The following RALGAPA2 variants were observed in gnomAD, a reference collection of about 807,000 sequenced individuals.
RALGAPA2 encodes Ral GTPase activating protein catalytic subunit alpha 2, also known as ral GTPase-activating protein subunit alpha-2.
In RALGAPA2, 139 loss-of-function variants were observed where a neutral mutation model predicts 230.4. The observed-to-expected ratio is 0.60, with a 90% CI of 0.53 to 0.69. The LOEUF (loss-of-function observed/expected upper bound fraction) is 0.69, where lower values mean the gene tolerates loss of function less well. Among genes scored for constraint, RALGAPA2 ranks in the 30% least tolerant of loss-of-function variants. The probability of loss-of-function intolerance (pLI) is 0.00; values close to 1 mark genes in which losing one functional copy is unlikely to be tolerated. For synonymous variants in RALGAPA2, 847 were observed against 837.8 expected (o/e 1.01, Z -0.19); for missense variants, 2,163 against 2,276.0 (o/e 0.95, Z 1.01).
At chr20:20,602,475 T>A (rs977559775) in intron 15 of RALGAPA2, among the ~76,000 whole-genome samples, 5 of 152,184 alleles carry the variant, frequency 3.3e-5, no homozygotes, top group African/African-American at 7.2e-5. Flanking sequence ...CCAAAAGAAA[T>A]AGAGGAGGAA....
At chr20:20,417,193 G>T (rs1206549798) in intron 37 of RALGAPA2, among the ~76,000 whole-genome samples, 5 of 152,168 alleles carry the variant, frequency 3.3e-5, no homozygotes, top group African/African-American at 4.8e-5. Context: ...TGTGTAAAAG[G>T]TTGAAAACCT....
intron 23 of RALGAPA2, among the ~76,000 whole-genome samples, chr20:20,550,943 T>C (rs1038243721): frequency 6.6e-6 from 1 of 152,228 alleles, no homozygotes; most frequent in Non-Finnish European, 1.5e-5. Flanking sequence ...TTTGCTGATC[T>C]ACAGAAAGAA....
intron 37 of RALGAPA2, among the ~76,000 whole-genome samples, chr20:20,469,214 T>C (rs538452942): frequency 6.6e-6 from 1 of 152,260 alleles, no homozygotes; most frequent in South Asian, 2.1e-4. Context: ...ATGGTACCAT[T>C]TGACTTATTT....
At chr20:20,470,271 C>T (rs116607899) in intron 37 of RALGAPA2, among the ~76,000 whole-genome samples, 240 of 152,244 alleles carry the variant, frequency 1.6e-3, no homozygotes, top group African/African-American at 5.4e-3. Context: ...TTAAACATAG[C>T]GAACAAAATT....
chr20:20,424,785 A>G (rs1011260309), intron 37 of RALGAPA2, among the ~76,000 whole-genome samples: 3 of 152,184 alleles, frequency 2.0e-5, no homozygotes, highest in Non-Finnish European at 4.4e-5. Context: ...CATGTACCCT[A>G]AAACTTAAAG....
chr20:20,680,753 G>A lies in RALGAPA2; in HGVS notation c.155C>T (p.Ser52Phe). 2 of 1,586,798 alleles carry A rather than the reference G, an allele frequency of 1.3e-6. No homozygotes were observed. Among genetic ancestry groups the A allele is most frequent in the Non-Finnish European group, 1.7e-6 (2 of 1,170,610 alleles). ...TTCATAGAAGATGAAATATATCTGA[G>A]AATAGTTGGTCTCAAAAAACTGCTT... ...DLKQFFETNY[S>F]QIYFIFYENF... is the part of the protein sequence containing the mutation. The change falls in exon 2 of 40, where the codon TCT becomes TTT. Residue 52 changes from serine (S) to phenylalanine (F), a missense_variant. Ser to Phe is a radical substitution (Grantham distance 155). Coordinates refer to ENST00000202677, the MANE Select transcript of RALGAPA2 (RefSeq NM_020343.4).
chr20:20,523,381 CTTAAT>C (rs1406894257), intron 30 of RALGAPA2, among the ~76,000 whole-genome samples: 2 of 152,292 alleles, frequency 1.3e-5, no homozygotes, highest in East Asian at 3.9e-4. Flanking sequence ...GACATAGTTC[CTTAAT>C]TTATTTCTTA....
chr20:20,701,176 C>T (rs1186705236), intron 1 of RALGAPA2, among the ~76,000 whole-genome samples: 1 of 152,190 alleles, frequency 6.6e-6, no homozygotes, highest in Non-Finnish European at 1.5e-5. Context: ...GATGTGTAAC[C>T]TTGAACAAGG....
intron 36 of RALGAPA2, among the ~76,000 whole-genome samples, chr20:20,480,092 T>C (rs967955114): frequency 6.6e-6 from 1 of 152,352 alleles, no homozygotes; most frequent in Admixed American, 6.5e-5. Flanking sequence ...TTTAAATAAA[T>C]GAAATGATAG....
At chr20:20,421,924 A>T (rs6046847) in intron 37 of RALGAPA2, among the ~76,000 whole-genome samples, 95,548 of 152,080 alleles carry the variant, frequency 0.63, 30,160 homozygotes, top group African/African-American at 0.71. Context: ...ATGTAATATA[A>T]CATATAATAA....
chr20:20,512,019 T>C (rs747847883), intron 32 of RALGAPA2, among the ~76,000 whole-genome samples: 5 of 151,612 alleles, frequency 3.3e-5, no homozygotes, highest in Non-Finnish European at 7.4e-5. Flanking sequence ...TGAAACCCCG[T>C]CTCTACTAAA....
rs761036676 is a variant in RALGAPA2, at chr20:20,640,885, C to A, written c.373-7G>T. ...TGATTCCTTCACATCTTATCTAAAA[C>A]AAAATTAAAAACAATGAAAATGAAA... On this transcript the variant is annotated splice_polypyrimidine_tract_variant and splice_region_variant and intron_variant, in intron 5 of 39. Coordinates refer to ENST00000202677, the MANE Select transcript of RALGAPA2 (RefSeq NM_020343.4). The A allele has an allele frequency of 5.6e-6, 9 of 1,597,318 alleles. No individual in the cohort carries two copies. In the South Asian group the frequency reaches 6.7e-5, roughly 12 times the overall value.
At chr20:20,562,312 G>A (rs1229098012) in intron 23 of RALGAPA2, among the ~76,000 whole-genome samples, 2 of 152,080 alleles carry the variant, frequency 1.3e-5, no homozygotes, top group Non-Finnish European at 2.9e-5. Context: ...TCTGTGACAG[G>A]CCACAGTAGA....
intron 16 of RALGAPA2, among the ~76,000 whole-genome samples, chr20:20,600,028 C>T (rs1021360169): frequency 6.6e-6 from 1 of 151,862 alleles, no homozygotes; most frequent in Admixed American, 6.6e-5. Context: ...GGCATGGCAG[C>T]TCACTCCTGT....
At chr20:20,543,366 G>GA (rs553864544) in intron 24 of RALGAPA2, among the ~76,000 whole-genome samples, 194 of 151,610 alleles carry the variant, frequency 1.3e-3, no homozygotes, top group African/African-American at 4.5e-3. Context: ...AAATTTATAA[G>GA]AAAAAACCAC....
Position 20,503,355 on chromosome 20 carries a change from T to C in RALGAPA2, c.5204A>G (p.Lys1735Arg), listed in dbSNP as rs753673287. Residue 1735 changes from lysine to arginine, a missense_variant, in exon 35 of 40, where the codon AAA becomes AGA. Lys to Arg is a conservative substitution (Grantham distance 26). Transcript: ENST00000202677. ...GTGCCCGAGGAGACCCCTTACCTTT[T>C]TGGTGAGGGAATCATCTGAGTCTGA... is the stretch of plus-strand genomic sequence containing the variant. ...MPSDSDDSLTKKLRHLGNDEV... is the reference protein window; with the variant it reads ...MPSDSDDSLTRKLRHLGNDEV... 2 of 1,583,744 alleles carry C rather than the reference T, an allele frequency of 1.3e-6. No homozygotes were observed. The highest frequency in any genetic ancestry group is 1.7e-6 in the Non-Finnish European group (2 of 1,160,234).
intron 36 of RALGAPA2, among the ~76,000 whole-genome samples, chr20:20,477,926 G>T (rs753709330): frequency 8.5e-5 from 13 of 152,156 alleles, no homozygotes; most frequent in Non-Finnish European, 1.6e-4. Flanking sequence ...GCACAATAAT[G>T]ACACAGTTAT....
intron 1 of RALGAPA2, among the ~76,000 whole-genome samples, chr20:20,710,221 T>A (rs1042640493): frequency 6.6e-6 from 1 of 152,124 alleles, no homozygotes; most frequent in African/African-American, 2.4e-5. Flanking sequence ...GTTATATAAA[T>A]ACACACATAA....
At chr20:20,639,707 C>T in intron 7 of RALGAPA2, 78 bp downstream of exon 7, 1 of 997,258 alleles carries the variant, frequency 1.0e-6, no homozygotes, top group East Asian at 2.4e-5. Context: ...TATAGATACA[C>T]AGAGGGAAAA....
Sources: allele counts gnomAD v4.1 joint callset (sites outside exome capture counted in the v4.1 genomes callset), GRCh38; gene constraint gnomAD v4.1.1; transcripts MANE v1.5; gene names NCBI Gene and HGNC (gene_info 2026-07-23, HGNC 2026-07-21).